The following ATP10D variants were observed in gnomAD, a reference collection of about 807,000 sequenced individuals.
The protein encoded by ATP10D is ATPase phospholipid transporting 10D (putative).
Under a neutral mutation model 144.8 loss-of-function variants are expected in ATP10D, and 89 were observed. That is an observed-to-expected ratio of 0.61 (90% CI 0.52 to 0.73). The LOEUF is 0.73. Ranked by LOEUF, ATP10D falls within the 30% of genes least tolerant of loss-of-function variation. ATP10D has a pLI of 0.00. For synonymous variants in ATP10D, 571 were observed against 615.1 expected, an observed-to-expected ratio of 0.93 and a Z score of 1.06; for missense variants, 1,603 against 1,714.8, an observed-to-expected ratio of 0.93 and a Z score of 1.15.
At chr4:47,512,072 A>G (rs1282032368) in intron 1 of ATP10D, among the ~76,000 whole-genome samples, 1 of 152,260 alleles carries the variant, frequency 6.6e-6, no homozygotes, top group Admixed American at 6.5e-5. Flanking sequence ...TGTAATCCAC[A>G]TAGAATGGGT....
chr4:47,557,109 C>T (rs939680866), intron 11 of ATP10D: 2 of 152,070 alleles, frequency 1.3e-5, no homozygotes, highest in African/African-American at 2.4e-5. Flanking sequence ...ATACTAGTCT[C>T]ATAGCTTTTT....
chr4:47,485,989 T>G, intron 1 of ATP10D, among the ~76,000 whole-genome samples: 1 of 152,158 alleles, frequency 6.6e-6, no homozygotes, highest in East Asian at 1.9e-4. Context: ...TGTTGAAGAT[T>G]TAGCCCAGCA....
intron 11 of ATP10D, 119 bp downstream of exon 11, chr4:47,555,033 C>CAGCT: frequency 1.1e-6 from 1 of 896,488 alleles, no homozygotes; most frequent in Non-Finnish European, 1.7e-6. Context: ...AGCTGTATAA[C>CAGCT]ACTGATTCAG....
In ATP10D at chr4:47,592,270, A is replaced by G. The variant is rs1474713268; in HGVS notation, c.*889A>G. The G allele has an allele frequency of 2.0e-5, 3 of 152,596 alleles. No homozygotes were observed. The highest frequency in any genetic ancestry group is 4.4e-5 in the Non-Finnish European group (3 of 68,024). The allele number at this position is 152,596 out of a possible 1,614,324, so 9.5% of individuals were successfully genotyped here. A position where few individuals can be genotyped will look rare whatever the true frequency, so the allele number is the denominator to read the frequency against. ...TGATCAAAGTGATACAATCAATTTCAAAACAATCTTCCAGAGACCACTTGA... is the reference window on the plus strand; with the variant it reads ...TGATCAAAGTGATACAATCAATTTCGAAACAATCTTCCAGAGACCACTTGA... On this transcript the variant is annotated 3_prime_UTR_variant, in exon 23 of 23. Coordinates refer to ENST00000273859, the MANE Select transcript of ATP10D (RefSeq NM_020453.4).
chr4:47,559,130 GA>G (rs1719147101), intron 13 of ATP10D, 101 bp downstream of exon 13: 1 of 815,794 alleles, frequency 1.2e-6, no homozygotes, highest in Non-Finnish European at 2.0e-6. Flanking sequence ...AGATGCTGGG[GA>G]AAGTCCCCTG....
Position 47,582,093 on chromosome 4 carries a change from C to A in ATP10D, c.3753+29C>A, listed in dbSNP as rs753238892. 8 of 1,548,738 alleles carry A rather than the reference C, an allele frequency of 5.2e-6. No individual in the cohort carries two copies. The South Asian group carries it at 8.9e-5, about 17-fold the overall frequency. On this transcript the variant is annotated intron_variant, in intron 21 of 22. Coordinates refer to ENST00000273859, the MANE Select transcript of ATP10D (RefSeq NM_020453.4). ...AGTGGTTTTCTTGCCTCTGAAGTAG[C>A]CTAAAATCTTTTATGCTTGGGGATA...
intron 3 of ATP10D, among the ~76,000 whole-genome samples, chr4:47,516,656 CA>C (rs1716703807): frequency 6.6e-6 from 1 of 152,126 alleles, no homozygotes; most frequent in South Asian, 2.1e-4. Flanking sequence ...GTGACTTTCA[CA>C]ATGTTTGTTT....
At chr4:47,506,808 C>CA (rs1486594773) in intron 1 of ATP10D, among the ~76,000 whole-genome samples, 3 of 151,832 alleles carry the variant, frequency 2.0e-5, no homozygotes, top group East Asian at 3.9e-4. Flanking sequence ...AGCATCAGGT[C>CA]AAAAAAACAT....
Position 47,557,771 on chromosome 4 carries a change from T to A in ATP10D, c.1932T>A (p.Ser644Arg). 1 of 1,614,198 alleles carries A rather than the reference T, an allele frequency of 6.2e-7. No homozygotes were observed. Among genetic ancestry groups the A allele is most frequent in the Non-Finnish European group, 8.5e-7 (1 of 1,180,046 alleles). Reference sequence around the variant, plus strand: ...GATCAAGTTCTCCATCGCTTAACAGTGGGAAAGAGCCATCTTCTGGAGTTC... The same window carrying A: ...GATCAAGTTCTCCATCGCTTAACAGAGGGAAAGAGCCATCTTCTGGAGTTC... Reference protein sequence around the residue: ...VRRSSSPSLNSGKEPSSGVPN... With the variant: ...VRRSSSPSLNRGKEPSSGVPN... Residue 644 changes from serine to arginine, a missense_variant, in exon 12 of 23, where the codon AGT becomes AGA. Transcript: ENST00000273859.
At chr4:47,584,247 ACCTCCCACTTCCCTGTTGGTTTT>A (rs1720671858) in intron 21 of ATP10D, among the ~76,000 whole-genome samples, 1 of 151,824 alleles carries the variant, frequency 6.6e-6, no homozygotes, top group African/African-American at 2.4e-5. Context: ...TCTCATTGCC[ACCTCCCACTTCCCTGTTGGTTTT>A]TACCCAGTAT....
chr4:47,502,212 T>C (rs977074773), intron 1 of ATP10D, among the ~76,000 whole-genome samples: 17 of 152,290 alleles, frequency 1.1e-4, no homozygotes, highest in African/African-American at 7.2e-5. Context: ...CGGTGGTTTG[T>C]GCCTGTAATC....
In ATP10D at chr4:47,536,454, A is replaced by T; in HGVS notation, c.1033A>T (p.Ser345Cys). The change falls in exon 8 of 23, where the codon AGC (serine) becomes TGC (cysteine). Residue 345 changes from serine to cysteine, a missense_variant. By Grantham distance (112) the Ser-to-Cys change is moderately radical. Coordinates refer to ENST00000273859, the MANE Select transcript of ATP10D (RefSeq NM_020453.4). The part of the protein sequence containing the change: ...TGAVGHGIWL[S>C]RYEKMHFFNV... ...TTTGAAAGGTCATGGAATCTGGCTG[A>T]GCAGGTATGAAAAGATGCATTTTTT... 6.2e-7 allele frequency: 1 copy of T among 1,613,594 alleles called. No individual in the cohort carries two copies. The highest frequency in any genetic ancestry group is 8.5e-7 in the Non-Finnish European group (1 of 1,179,660).
intron 1 of ATP10D, among the ~76,000 whole-genome samples, chr4:47,504,765 G>A (rs36044948): frequency 1.3e-4 from 20 of 152,164 alleles, no homozygotes; most frequent in African/African-American, 4.6e-4. Context: ...GGGTTTCACC[G>A]TGTTAGCCAA....
chr4:47,535,265 AC>A (rs1413806401), intron 5 of ATP10D, among the ~76,000 whole-genome samples: 1 of 151,684 alleles, frequency 6.6e-6, no homozygotes, highest in African/African-American at 2.4e-5. Context: ...CCTGCAACAC[AC>A]AATTTACCTA....
intron 1 of ATP10D, among the ~76,000 whole-genome samples, chr4:47,497,774 A>T (rs1715464699): frequency 6.6e-6 from 1 of 152,246 alleles, no homozygotes; most frequent in South Asian, 2.1e-4. Context: ...GGATTATTGT[A>T]TGTGAATTGC....
At chr4:47,564,485 G>T (rs1339086434) in intron 15 of ATP10D, among the ~76,000 whole-genome samples, 1 of 152,086 alleles carries the variant, frequency 6.6e-6, no homozygotes, top group East Asian at 1.9e-4. Context: ...GAAATCAGGT[G>T]AATAAATTAT....
At chr4:47,487,031 G>A (rs6851361) in intron 1 of ATP10D, among the ~76,000 whole-genome samples, 149,628 of 152,146 alleles carry the variant, frequency 0.98, 73,628 homozygotes, top group East Asian at 1. Context: ...AGGAGTTCGA[G>A]ACCAGCCTGA....
chr4:47,554,307 A>C (rs529993419), intron 10 of ATP10D, among the ~76,000 whole-genome samples: 22 of 152,214 alleles, frequency 1.4e-4, no homozygotes, highest in Non-Finnish European at 2.8e-4. Context: ...ACTTTGTTTC[A>C]ATAACATGGT....
At chr4:47,527,739 A>G (rs1717328048) in intron 5 of ATP10D, among the ~76,000 whole-genome samples, 1 of 152,158 alleles carries the variant, frequency 6.6e-6, no homozygotes, top group South Asian at 2.1e-4. Context: ...CAAGTGTACC[A>G]AGTGTTGGCA....
Sources: gnomAD v4.1 joint callset for allele counts (sites outside exome capture counted in the v4.1 genomes callset) on GRCh38, gnomAD v4.1.1 for gene constraint, MANE v1.5 for transcripts, NCBI Gene and HGNC (gene_info 2026-07-23, HGNC 2026-07-21) for gene names.